FOXO3: variants seen among roughly 807,000 people sequenced by gnomAD.
The protein encoded by FOXO3 is forkhead box protein O3.
Under a neutral mutation model 41.9 loss-of-function variants are expected in FOXO3, and 4 were observed. That is an observed-to-expected ratio of 0.10 (90% CI 0.05 to 0.22). The LOEUF is 0.22. FOXO3 is among the 10% of genes least tolerant of loss of function. The pLI is 1.00. For synonymous variants in FOXO3, 318 were observed against 389.3 expected (o/e 0.82, Z 2.16); for missense variants, 534 against 906.8 (o/e 0.59, Z 5.28).
rs1393003093 is a variant in FOXO3 at position 108,560,956 on chromosome 6, G to T, written c.-253G>T. ...CAGGTTCGCTGGCCGCACGTCTTCA[G>T]GTCCTCCTGTTCCTGGGAGGCGGGC... On this transcript the variant is annotated 5_prime_UTR_variant, in exon 1 of 3. It adds an upstream start codon to the 5' untranslated region. Transcript: ENST00000406360. 1 of 1,323,078 alleles carries T rather than the reference G, an allele frequency of 7.6e-7. No homozygotes were observed. The highest frequency in any genetic ancestry group is 1.5e-5 in the African/African-American group (1 of 64,602). The allele number at this position is 1,323,078 out of a possible 1,614,324, so 82.0% of individuals were successfully genotyped here. A position where few individuals can be genotyped will look rare whatever the true frequency, so the allele number is the denominator to read the frequency against.
chr6:108,564,368 A>G (rs1240051429), intron 1 of FOXO3, among the ~76,000 whole-genome samples: 1 of 152,242 alleles, frequency 6.6e-6, no homozygotes, highest in Non-Finnish European at 1.5e-5. Context: ...CCCATTTCCA[A>G]GTGTCCAAGT....
chr6:108,678,860 T>A (rs1175548104), intron 2 of FOXO3, among the ~76,000 whole-genome samples: 1 of 136,464 alleles, frequency 7.3e-6, no homozygotes, highest in Non-Finnish European at 1.6e-5. Flanking sequence ...AGACCCCATT[T>A]CTTAAATTCT....
At chr6:108,658,761 A>G (rs1187539573) in intron 1 of FOXO3, among the ~76,000 whole-genome samples, 2 of 152,308 alleles carry the variant, frequency 1.3e-5, no homozygotes, top group Admixed American at 1.3e-4. Flanking sequence ...CCTCTTTAGA[A>G]TGAATGTGAT....
chr6:108,632,672 G>C (rs1023984502), intron 1 of FOXO3, among the ~76,000 whole-genome samples: 2 of 152,154 alleles, frequency 1.3e-5, no homozygotes, highest in Non-Finnish European at 2.9e-5. Context: ...CACTACGTTT[G>C]AGCTAGTGAT....
rs185201115 is a variant in FOXO3, at chr6:108,637,922, A to G, written c.622-25533A>G. On this transcript the variant is annotated intron_variant, in intron 1 of 2. Transcript: ENST00000406360. ...AATGACAGTTTAATGTGTTAAAAAT[A>G]CATATATTCAATGTTAAATCAGTAG... 1.8e-3 allele frequency among the ~76,000 whole-genome samples: 276 copies of G among 152,354 alleles called. 10 individuals carry two copies. Among genetic ancestry groups the G allele is most frequent in the Admixed American group, 0.016 (248 of 15,296 alleles).
chr6:108,674,809 A>G (rs1468258330), intron 2 of FOXO3, among the ~76,000 whole-genome samples: 1 of 152,160 alleles, frequency 6.6e-6, no homozygotes, highest in African/African-American at 2.4e-5. Context: ...GGTTTTGGAT[A>G]TTATAATAAA....
chr6:108,649,510 C>G (rs141883562), intron 1 of FOXO3, among the ~76,000 whole-genome samples: 297 of 149,510 alleles, frequency 2.0e-3, no homozygotes, highest in Non-Finnish European at 3.1e-3. Context: ...CACCACCACC[C>G]TCAGCTTTTT....
chr6:108,566,743 C>T (rs1331559303), intron 1 of FOXO3, among the ~76,000 whole-genome samples: 1 of 152,176 alleles, frequency 6.6e-6, no homozygotes, highest in Non-Finnish European at 1.5e-5. Context: ...ATTCTCAACT[C>T]CTCATTTCTC....
At chr6:108,578,783 A>G in intron 1 of FOXO3, among the ~76,000 whole-genome samples, 1 of 152,198 alleles carries the variant, frequency 6.6e-6, no homozygotes, top group East Asian at 1.9e-4. Flanking sequence ...TGCTGGGTGT[A>G]ATCAGTGTGA....
rs556107505 is a variant in FOXO3 at position 108,568,215 on chromosome 6, CTT to C, written c.621+6401_621+6402del. 1.8e-3 allele frequency among the ~76,000 whole-genome samples: 248 copies of C among 140,136 alleles called. 1 individual carries two copies. Among genetic ancestry groups the C allele is most frequent in the African/African-American group, 5.2e-3 (198 of 38,050 alleles). The allele number at this position is 140,136 out of a possible 152,430, so 91.9% of individuals were successfully genotyped here. ...TGACAGAGTGAGACCCTCTCTCTCT[CTT>C]TTTTTTTTTTTTTTAAAGCGTGTGT... On this transcript the variant is annotated intron_variant, in intron 1 of 2. Transcript: ENST00000406360.
intron 2 of FOXO3, among the ~76,000 whole-genome samples, chr6:108,672,758 TTTC>T (rs755745345): frequency 7.9e-5 from 12 of 152,160 alleles, no homozygotes; most frequent in South Asian, 2.1e-4. Flanking sequence ...TCTCATCCTC[TTTC>T]TTCTTCTTTC....
At chr6:108,598,327 G>A (rs1445597805) in intron 1 of FOXO3, among the ~76,000 whole-genome samples, 2 of 152,186 alleles carry the variant, frequency 1.3e-5, no homozygotes, top group Non-Finnish European at 2.9e-5. Context: ...GAGGAGGAAT[G>A]GATTAGCTGA....
At chr6:108,650,015 A>G (rs1451774705) in intron 1 of FOXO3, among the ~76,000 whole-genome samples, 1 of 152,180 alleles carries the variant, frequency 6.6e-6, no homozygotes, top group Non-Finnish European at 1.5e-5. Context: ...TTATGAGCCC[A>G]CACATCGTTC....
chr6:108,628,029 A>G (rs1777862251), intron 1 of FOXO3, among the ~76,000 whole-genome samples: 1 of 152,186 alleles, frequency 6.6e-6, no homozygotes, highest in African/African-American at 2.4e-5. Context: ...TAGAGTCCCT[A>G]AGCCTGTTTT....
At chr6:108,623,072 A>G (rs1777713243) in intron 1 of FOXO3, among the ~76,000 whole-genome samples, 1 of 151,948 alleles carries the variant, frequency 6.6e-6, no homozygotes, top group South Asian at 2.1e-4. Context: ...ACTGTTTTCC[A>G]TCTCATCTTG....
intron 1 of FOXO3, among the ~76,000 whole-genome samples, chr6:108,582,805 G>A (rs1028241298): frequency 1.3e-5 from 2 of 152,036 alleles, no homozygotes; most frequent in African/African-American, 4.8e-5. Flanking sequence ...TCACATTCTT[G>A]TTGGGTGTAA....
intron 2 of FOXO3, among the ~76,000 whole-genome samples, chr6:108,677,678 G>A (rs1253390250): frequency 6.6e-6 from 1 of 152,108 alleles, no homozygotes; most frequent in African/African-American, 2.4e-5. Flanking sequence ...GTTGGATGGT[G>A]GTTTATTAAG....
At chr6:108,637,283 T>C (rs1347570514) in intron 1 of FOXO3, among the ~76,000 whole-genome samples, 1 of 152,138 alleles carries the variant, frequency 6.6e-6, no homozygotes, top group Non-Finnish European at 1.5e-5. Flanking sequence ...AACATGTGAA[T>C]CAGTAGTTTC....
chr6:108,635,943 A>G (rs1778108775), intron 1 of FOXO3, among the ~76,000 whole-genome samples: 1 of 152,234 alleles, frequency 6.6e-6, no homozygotes, highest in Admixed American at 6.5e-5. Context: ...TTTCCTTGAT[A>G]AGACTTCTCA....
Sources: gnomAD v4.1 joint callset for allele counts (sites outside exome capture counted in the v4.1 genomes callset) on GRCh38, gnomAD v4.1.1 for gene constraint, MANE v1.5 for transcripts, NCBI Gene and HGNC (gene_info 2026-07-23, HGNC 2026-07-21) for gene names.